TTC14: variants seen among roughly 807,000 people sequenced by gnomAD.
TTC14 encodes tetratricopeptide repeat domain 14.
Under a neutral mutation model 79.9 loss-of-function variants are expected in TTC14, and 63 were observed. The ratio of observed to expected loss-of-function variants is 0.79; its 90% CI spans 0.64 to 0.97. The LOEUF (loss-of-function observed/expected upper bound fraction) is 0.97. Ranked by LOEUF, TTC14 falls within the 50% of genes least tolerant of loss-of-function variation. The pLI is 0.00. For missense variants in TTC14, 895 were observed against 894.0 expected (o/e 1.00, Z -0.01); for synonymous variants, 335 against 309.6 (o/e 1.08, Z -0.86).
In TTC14 at chr3:180,604,933, A is replaced by G. The variant is rs1405015484; in HGVS notation, c.783A>G (p.Gly261=). 6.2e-7 allele frequency: 1 copy of G among 1,613,946 alleles called. No individual in the cohort carries two copies. The highest frequency in any genetic ancestry group is 1.3e-5 in the African/African-American group (1 of 74,936). Residue 261 remains glycine, a synonymous_variant, in exon 6 of 12, where the codon GGA becomes GGG. Transcript: ENST00000296015. ...GTTCCTTGGGATTTGTTAATCCAGGAGTAGTTGAATTCCTTCTAGAAAAAC... is the reference window on the plus strand; with the variant it reads ...GTTCCTTGGGATTTGTTAATCCAGGGGTAGTTGAATTCCTTCTAGAAAAAC... The part of the protein sequence containing the change: ...MQSSLGFVNP[G]VVEFLLEKLG...
intron 1 of TTC14, 166 bp from the exon 2 acceptor site, chr3:180,602,725 C>G: frequency 1.2e-6 from 1 of 823,834 alleles, no homozygotes; most frequent in South Asian, 2.0e-5. Context: ...TCTCCACCTC[C>G]AGGTTGGTTA....
intron 1 of TTC14, 57 bp from the exon 2 acceptor site, chr3:180,602,834 G>A: frequency 6.4e-7 from 1 of 1,551,000 alleles, no homozygotes; most frequent in Non-Finnish European, 8.7e-7. Context: ...CAGAAGGTTA[G>A]AAGTAAAGAG....
intron 11 of TTC14, chr3:180,609,090 C>T (rs1010253382): frequency 9.1e-6 from 8 of 883,836 alleles, no homozygotes; most frequent in African/African-American, 9.0e-5. Context: ...AGAACTAGAG[C>T]AGTGGTTCTC....
downstream of TTC14, chr3:180,614,003 A>C (rs2108402195): frequency 2.8e-6 from 1 of 355,440 alleles, no homozygotes. Flanking sequence ...ACACATGTAC[A>C]TTCGTGAATT....
chr3:180,604,497 C>T lies in TTC14; in HGVS notation c.591C>T (p.Asp197=), dbSNP rs1223512224. The change falls in exon 5 of 12, where the codon GAC becomes GAT. Residue 197 remains aspartate (D), a synonymous_variant. Coordinates refer to ENST00000296015, the MANE Select transcript of TTC14 (RefSeq NM_133462.4). ...CTTAAGCTGGAATCAAGGATATTGA[C>T]AGATACCATGAAAAGCTAGCAGTAT... is the stretch of plus-strand genomic sequence containing the variant. ...DIIRAGIKDI[D]RYHEKLAVSL... is the part of the protein sequence containing the mutation. The T allele has an allele frequency of 1.9e-6, 3 of 1,599,278 alleles. No individual in the cohort carries two copies. The highest frequency in any genetic ancestry group is 2.6e-6 in the Non-Finnish European group (3 of 1,175,190).
At chr3:180,602,577 C>T (rs1450436484) in intron 1 of TTC14, 155 bp downstream of exon 1, 5 of 1,062,580 alleles carry the variant, frequency 4.7e-6, no homozygotes, top group Non-Finnish European at 5.3e-6. Flanking sequence ...GGACGGGGGG[C>T]GCTCCTGGGT....
downstream of TTC14, among the ~76,000 whole-genome samples, chr3:180,611,343 T>C (rs1470134246): frequency 6.6e-6 from 1 of 152,198 alleles, no homozygotes; most frequent in African/African-American, 2.4e-5. Context: ...AACATAGCAG[T>C]AGCAGAGAAG....
chr3:180,609,285 A>C, intron 11 of TTC14: 1 of 1,006,012 alleles, frequency 9.9e-7, no homozygotes, highest in South Asian at 4.2e-5. Context: ...ATTTGGCTGA[A>C]AATACCAATA....
chr3:180,604,385 T>C, intron 4 of TTC14, 76 bp downstream of exon 4: 2 of 1,550,566 alleles, frequency 1.3e-6, no homozygotes, highest in Non-Finnish European at 1.8e-6. Flanking sequence ...AAAAATACAG[T>C]CTAAGAGGGT....
At chr3:180,608,899 A>G (rs940120417) in intron 11 of TTC14, 89 bp downstream of exon 11, 85 of 1,278,334 alleles carry the variant, frequency 6.6e-5, no homozygotes, top group Non-Finnish European at 7.9e-5. Flanking sequence ...AAATAAAAAT[A>G]TGAAAGTATT....
intron 9 of TTC14, 72 bp downstream of exon 9, chr3:180,606,675 GA>G (rs1348537467): frequency 6.6e-7 from 1 of 1,512,134 alleles, no homozygotes; most frequent in Non-Finnish European, 8.9e-7. Flanking sequence ...TGAACTTAAG[GA>G]AATAGTTTCT....
chr3:180,615,247 C>T (rs906919848), downstream of TTC14, among the ~76,000 whole-genome samples: 1 of 151,876 alleles, frequency 6.6e-6, no homozygotes, highest in Non-Finnish European at 1.5e-5. Context: ...ACAATTTAAA[C>T]AGGAAAGGAA....
chr3:180,605,385 C>G (rs1183339976), intron 6 of TTC14: 1 of 197,680 alleles, frequency 5.1e-6, no homozygotes, highest in Non-Finnish European at 1.0e-5. Context: ...ACGCCATTCT[C>G]CTGCCTCAGC....
rs772277014 is a variant in TTC14 at position 180,606,638 on chromosome 3, A to G, written c.1172+35A>G. On this transcript the variant is annotated intron_variant, in intron 9 of 11. Coordinates refer to ENST00000296015, the MANE Select transcript of TTC14 (RefSeq NM_133462.4). ...AGATTTTGTTTAATAGTGGAGGTCTAATGTTCAACCAACCACTAAAAAATT... is the reference window on the plus strand; with the variant it reads ...AGATTTTGTTTAATAGTGGAGGTCTGATGTTCAACCAACCACTAAAAAATT... 2.1e-5 allele frequency: 33 copies of G among 1,573,402 alleles called. No homozygotes were observed. The South Asian group carries it at 3.1e-4, about 15-fold the overall frequency.
At chr3:180,614,839 A>G (rs1717168125), downstream of TTC14, 60 of 1,309,936 alleles carry the variant, frequency 4.6e-5, 1 homozygote, top group South Asian at 8.2e-4. Flanking sequence ...TTTCCACTAG[A>G]TAAAATGTGT....
chr3:180,612,951 G>A (rs1445279920), downstream of TTC14, among the ~76,000 whole-genome samples: 1 of 152,080 alleles, frequency 6.6e-6, no homozygotes, highest in Non-Finnish European at 1.5e-5. Flanking sequence ...TTCAAAAGAA[G>A]AGATAAAAAT....
downstream of TTC14, chr3:180,615,070 T>C (rs1210301123): frequency 2.0e-6 from 3 of 1,530,744 alleles, no homozygotes; most frequent in Non-Finnish European, 2.6e-6. Context: ...CTTGTACTCC[T>C]AGATGACCTA....
At chr3:180,602,519 C>A in intron 1 of TTC14, 97 bp downstream of exon 1, 1 of 1,439,826 alleles carries the variant, frequency 6.9e-7, no homozygotes, top group Non-Finnish European at 9.2e-7. Flanking sequence ...GAAGTGGAGC[C>A]GCGGCCGTGA....
chr3:180,603,122 A>G lies in TTC14; in HGVS notation c.287-2A>G. The stretch of plus-strand genomic sequence containing the variant: ...GTGATTTTGTTAATTTTTTTTTTTT[A>G]GATCATTATGCAATCATGCCACCTT... On this transcript the variant is annotated splice_acceptor_variant, in intron 2 of 11. Coordinates refer to ENST00000296015, the MANE Select transcript of TTC14 (RefSeq NM_133462.4). LOFTEE classifies it high-confidence loss of function. 1.9e-6 allele frequency: 3 copies of G among 1,596,976 alleles called. No individual in the cohort carries two copies. The highest frequency in any genetic ancestry group is 2.6e-6 in the Non-Finnish European group (3 of 1,173,556).
Sources: allele counts gnomAD v4.1 joint callset (sites outside exome capture counted in the v4.1 genomes callset), GRCh38; gene constraint gnomAD v4.1.1; transcripts MANE v1.5; gene names NCBI Gene and HGNC (gene_info 2026-07-23, HGNC 2026-07-21).